The following ALKBH2 variants were observed in gnomAD, a reference collection of about 807,000 sequenced individuals.
ALKBH2 encodes DNA oxidative demethylase ALKBH2.
In ALKBH2, 19 loss-of-function variants were observed where a neutral mutation model predicts 19.7. That is an observed-to-expected ratio of 0.97 (90% CI 0.67 to 1.42). The LOEUF is 1.42. ALKBH2 is among the 40% of genes most tolerant of loss of function. The probability of loss-of-function intolerance (pLI) is 0.00; values close to 1 mark genes in which losing one functional copy is unlikely to be tolerated. For synonymous variants in ALKBH2, 135 were observed against 131.2 expected (o/e 1.03, Z -0.20); for missense variants, 310 against 328.5 (o/e 0.94, Z 0.43).
chr12:109,090,368 G>A (rs146231261), intron 2 of ALKBH2, among the ~76,000 whole-genome samples, 161 bp from the exon 3 acceptor site: 11 of 152,090 alleles, frequency 7.2e-5, no homozygotes, highest in Admixed American at 1.3e-4. Context: ...ACATTTCCCC[G>A]TCATTCCATG....
chr12:109,092,851 TC>T lies in ALKBH2; in HGVS notation c.-66del, dbSNP rs2042085512. ...CAAGACAGAAATTGCTCAAGTTCTA[TC>T]CCCAGTGCAAAAATCTGTTTGTCCA... On this transcript the variant is annotated 5_prime_UTR_variant, in exon 2 of 4. Coordinates refer to ENST00000429722, the MANE Select transcript of ALKBH2 (RefSeq NM_001145374.2). 1.3e-6 allele frequency: 2 copies of T among 1,529,942 alleles called. No homozygotes were observed. Among genetic ancestry groups the T allele is most frequent in the Non-Finnish European group, 1.8e-6 (2 of 1,142,428 alleles). The allele number at this position is 1,529,942 out of a possible 1,614,324, so 94.8% of individuals were successfully genotyped here. A position where few individuals can be genotyped will look rare whatever the true frequency, so the allele number is the denominator to read the frequency against.
Position 109,092,589 on chromosome 12 carries a change from G to T in ALKBH2, c.198C>A (p.Asp66Glu). The T allele has an allele frequency of 6.2e-7, 1 of 1,614,052 alleles. No homozygotes were observed. The highest frequency in any genetic ancestry group is 8.5e-7 in the Non-Finnish European group (1 of 1,179,962). The change falls in exon 2 of 4, where the codon GAC becomes GAA. Residue 66 changes from aspartate to glutamate, a missense_variant. Coordinates refer to ENST00000429722, the MANE Select transcript of ALKBH2 (RefSeq NM_001145374.2). ...TGCCAAACAGGACTGTGTAACTGCA[G>T]TCCAGGCCCTCAGCCCGAATGTGCC... is the stretch of plus-strand genomic sequence containing the variant. ...SWRHIRAEGL[D>E]CSYTVLFGKA...
intron 3 of ALKBH2, chr12:109,089,732 T>C (rs922161265): frequency 3.3e-5 from 14 of 425,524 alleles, no homozygotes; most frequent in Middle Eastern, 6.8e-4. Context: ...CTGGGCAACA[T>C]AGAAAAACCC....
chr12:109,088,655 C>T lies in ALKBH2; in HGVS notation c.480-143G>A. ...GTTGTTTCTGCGAGGGCTTGAGGTC[C>T]ACAGTGGGCTCTAAGATAAGCCAAC... On this transcript the variant is annotated intron_variant, in intron 3 of 3. Coordinates refer to ENST00000429722, the MANE Select transcript of ALKBH2 (RefSeq NM_001145374.2). This position sits in a 1 kb window ranked among gnomAD's most constrained non-coding sequence, Gnocchi z 4.2. The T allele has an allele frequency of 1.4e-6, 1 of 700,706 alleles. No homozygotes were observed. Among genetic ancestry groups the T allele is most frequent in the Non-Finnish European group, 2.3e-6 (1 of 430,540 alleles). 43.4% of individuals were successfully genotyped at this position (700,706 alleles called of 1,614,324 possible).
Position 109,088,423 on chromosome 12 carries a change from C to T in ALKBH2, c.569G>A (p.Gly190Asp), listed in dbSNP as rs2135855854. 1 of 1,613,910 alleles carries T rather than the reference C, an allele frequency of 6.2e-7. No individual in the cohort carries two copies. Among genetic ancestry groups the T allele is most frequent in the Non-Finnish European group, 8.5e-7 (1 of 1,179,970 alleles). ...PGSPIASVSF[G>D]ACRDFVFRHK... ...CCGGAAGACAAAGTCTCTGCAGGCA[C>T]CGAAGGAGACAGAGGCAATGGGGCT... Residue 190 changes from glycine (G) to aspartate (D), a missense_variant, in exon 4 of 4, where the codon GGT becomes GAT. Physicochemically the swap from Gly to Asp is moderately conservative, Grantham distance 94 (BLOSUM62 -1). Coordinates refer to ENST00000429722, the MANE Select transcript of ALKBH2 (RefSeq NM_001145374.2). This position sits in a 1 kb window ranked among gnomAD's most constrained non-coding sequence, Gnocchi z 4.2.
Position 109,092,493 on chromosome 12 carries a change from A to ACACACACC in ALKBH2, c.280+13_280+14insGGTGTGTG. ...TCAATGCACACACACACACACACAC[A>ACACACACC]CCCCTCTGCTTACCTGTAAAATATT... On this transcript the variant is annotated intron_variant, in intron 2 of 3. Coordinates refer to ENST00000429722, the MANE Select transcript of ALKBH2 (RefSeq NM_001145374.2). 6.5e-7 allele frequency: 1 copy of ACACACACC among 1,547,738 alleles called. No homozygotes were observed. Among genetic ancestry groups the ACACACACC allele is most frequent in the Non-Finnish European group, 8.7e-7 (1 of 1,146,470 alleles).
Position 109,088,919 on chromosome 12 carries a change from C to G in ALKBH2, c.480-407G>C, listed in dbSNP as rs534786371. ...TGCAGAAACAGTTTCACCATGTTAC[C>G]CAGGCTGGTCTCAAACTCGGGCTCA... is the stretch of plus-strand genomic sequence containing the variant. On this transcript the variant is annotated intron_variant, in intron 3 of 3. Transcript: ENST00000429722. The surrounding 1 kb of genome is among the most constrained non-coding windows in gnomAD (Gnocchi z 4.2). Among the ~76,000 whole-genome samples, 6 of 152,212 alleles carry G rather than the reference C, an allele frequency of 3.9e-5. No homozygotes were observed. In the East Asian group the frequency reaches 1.2e-3, roughly 29 times the overall value.
Position 109,088,253 on chromosome 12 carries a change from G to C in ALKBH2, c.739C>G (p.Pro247Ala), listed in dbSNP as rs757489187. The C allele has an allele frequency of 1.2e-6, 2 of 1,611,924 alleles. No individual in the cohort carries two copies. The highest frequency in any genetic ancestry group is 2.7e-5 in the African/African-American group (2 of 75,014). ...SLPVRKKVLA[P>A]RVNLTFRKIL... ...TTACGAAAAGTCAGATTCACCCGTG[G>C]AGCCAGAACCTTCTTTCTCACGGGA... Residue 247 changes from proline (P) to alanine (A), a missense_variant, in exon 4 of 4, where the codon CCA becomes GCA. Physicochemically the swap from Pro to Ala is conservative, Grantham distance 27. Transcript: ENST00000429722. This position sits in a 1 kb window ranked among gnomAD's most constrained non-coding sequence, Gnocchi z 4.2.
intron 2 of ALKBH2, 80 bp downstream of exon 2, chr12:109,092,427 T>G: frequency 6.9e-7 from 1 of 1,440,188 alleles, no homozygotes; most frequent in Non-Finnish European, 9.1e-7. Flanking sequence ...TGAGTTCAGA[T>G]TTCTCCAAAC....
chr12:109,092,759 G>A lies in ALKBH2; in HGVS notation c.28C>T (p.Gln10Ter), dbSNP rs138073204. Residue 10 changes from glutamine to a stop codon, truncating the protein, a stop_gained, in exon 2 of 4, where the codon CAA becomes TAA. Transcript: ENST00000429722. LOFTEE classifies it high-confidence loss of function. Reference sequence around the variant, plus strand: ...TCCTGCTTCCTCAAAAGGCCCCCTTGAGCCCCTTTCACCAGGAATCTGTCC... The same window carrying A: ...TCCTGCTTCCTCAAAAGGCCCCCTTAAGCCCCTTTCACCAGGAATCTGTCC... MDRFLVKGA[Q>*]GGLLRKQEEQ... 2.5e-6 allele frequency: 4 copies of A among 1,613,524 alleles called. No homozygotes were observed. In the African/African-American group the frequency reaches 5.3e-5, roughly 22 times the overall value.
chr12:109,092,473 G>GCGCACA (rs145676752), intron 2 of ALKBH2, 34 bp downstream of exon 2: 31 of 1,363,194 alleles, frequency 2.3e-5, no homozygotes, highest in Middle Eastern at 4.0e-4. Flanking sequence ...AGCCCTCAAT[G>GCGCACA]CACACACACA....
intron 2 of ALKBH2, 94 bp downstream of exon 2, chr12:109,092,413 A>G: frequency 7.0e-7 from 1 of 1,423,752 alleles, no homozygotes; most frequent in Non-Finnish European, 9.2e-7. Flanking sequence ...TAAATAATGG[A>G]TCCTGAGTTC....
rs141737049 is a variant in ALKBH2 at position 109,090,105 on chromosome 12, G to A, written c.383C>T (p.Thr128Met). Reference protein sequence around the residue: ...AGLTYTFSGLTLSPKPWIPVL... With the variant: ...AGLTYTFSGLMLSPKPWIPVL... ...TGGGATCCAGGGCTTTGGAGACAGC[G>A]TGAGGCCTGAAAATGTGTAGGTCAG... is the stretch of plus-strand genomic sequence containing the variant. Residue 128 changes from threonine to methionine, a missense_variant, in exon 3 of 4, where the codon ACG (threonine) becomes ATG (methionine). Coordinates refer to ENST00000429722, the MANE Select transcript of ALKBH2 (RefSeq NM_001145374.2). The A allele has an allele frequency of 3.1e-4, 494 of 1,614,198 alleles. 4 individuals carry two copies. The Middle Eastern group carries it at 4.1e-3, about 13-fold the overall frequency.
Position 109,088,211 on chromosome 12 carries a change from T to G in ALKBH2, c.781A>C (p.Lys261Gln). Residue 261 changes from lysine (K) to glutamine (Q), a missense_variant, in exon 4 of 4, where the codon AAA becomes CAA. Physicochemically the swap from Lys to Gln is moderately conservative, Grantham distance 53. Coordinates refer to ENST00000429722, the MANE Select transcript of ALKBH2 (RefSeq NM_001145374.2). This position sits in a 1 kb window ranked among gnomAD's most constrained non-coding sequence, Gnocchi z 4.2. ...AAAAACTGTTAAAAATGTTTTTATT[T>G]TTTAGTAAGCAAAATTTTACGAAAA... ...LTFRKILLTK[K>Q] 6.3e-7 allele frequency: 1 copy of G among 1,591,068 alleles called. No individual in the cohort carries two copies. The highest frequency in any genetic ancestry group is 1.1e-5 in the South Asian group (1 of 89,470).
chr12:109,092,840 C>T lies in ALKBH2; in HGVS notation c.-54G>A, dbSNP rs987397313. 2 of 1,549,726 alleles carry T rather than the reference C, an allele frequency of 1.3e-6. No individual in the cohort carries two copies. ...AGTGGCGAGGCCAAGACAGAAATTG[C>T]TCAAGTTCTATCCCCAGTGCAAAAA... On this transcript the variant is annotated 5_prime_UTR_variant, in exon 2 of 4. Transcript: ENST00000429722.
chr12:109,092,359 G>A (rs1449580935), intron 2 of ALKBH2, 148 bp downstream of exon 2: 6 of 1,260,512 alleles, frequency 4.8e-6, no homozygotes, highest in Non-Finnish European at 6.2e-6. Flanking sequence ...TTAGCCCAGA[G>A]GTGCTCAGAG....
At position 109,088,899 on chromosome 12, in the gene ALKBH2, A is replaced by T. The variant is rs932057623; in HGVS notation, c.480-387T>A. Among the ~76,000 whole-genome samples the T allele has an allele frequency of 5.3e-5, 8 of 152,092 alleles. No homozygotes were observed. Among genetic ancestry groups the T allele is most frequent in the African/African-American group, 1.7e-4 (7 of 41,408 alleles). On this transcript the variant is annotated intron_variant, in intron 3 of 3. Coordinates refer to ENST00000429722, the MANE Select transcript of ALKBH2 (RefSeq NM_001145374.2). This position sits in a 1 kb window ranked among gnomAD's most constrained non-coding sequence, Gnocchi z 4.2. ...CTAGCTAATTTCTTTTCTTTTGCAG[A>T]AACAGTTTCACCATGTTACCCAGGC...
rs2042078279 is a variant in ALKBH2 at position 109,092,540 on chromosome 12, G to C, written c.247C>G (p.Gln83Glu). ...FGKAEADEIFQELEKEVEYFT... is the reference protein window; with the variant it reads ...FGKAEADEIFEELEKEVEYFT... ...TATTCTACTTCTTTCTCCAACTCTT[G>C]GAAAATCTCATCTGCCTCAGCTTTG... The change falls in exon 2 of 4, where the codon CAA becomes GAA. Residue 83 changes from glutamine to glutamate, a missense_variant. Physicochemically the swap from Gln to Glu is conservative, Grantham distance 29. Coordinates refer to ENST00000429722, the MANE Select transcript of ALKBH2 (RefSeq NM_001145374.2). The C allele has an allele frequency of 1.3e-6, 2 of 1,599,994 alleles. No individual in the cohort carries two copies. The highest frequency in any genetic ancestry group is 1.7e-5 in the Admixed American group (1 of 58,230).
chr12:109,089,741 C>T (rs1210462945), intron 3 of ALKBH2: 1 of 459,110 alleles, frequency 2.2e-6, no homozygotes, highest in Non-Finnish European at 4.0e-6. Flanking sequence ...ATAGAAAAAC[C>T]CTGTCTCAAA....
Sources: allele counts gnomAD v4.1 joint callset (sites outside exome capture counted in the v4.1 genomes callset), GRCh38; gene constraint gnomAD v4.1.1; non-coding constraint Gnocchi (gnomAD v3.1); transcripts MANE v1.5; gene names NCBI Gene and HGNC (gene_info 2026-07-23, HGNC 2026-07-21).